Variants in CRACR2A observed in about 807,000 individuals in gnomAD.
The protein encoded by CRACR2A is calcium release activated channel regulator 2A.
A neutral mutation model predicts 90.5 loss-of-function variants in CRACR2A; 79 were observed. That is an observed-to-expected ratio of 0.87 (90% CI 0.73 to 1.05). CRACR2A has a LOEUF of 1.05. CRACR2A is among the 50% of genes least tolerant of loss of function. The pLI is 0.00. For missense variants in CRACR2A, 823 were observed against 897.2 expected (o/e 0.92, Z 1.06); for synonymous variants, 338 against 356.7 (o/e 0.95, Z 0.59).
rs1044294998 is a variant in CRACR2A at position 3,711,541 on chromosome 12, G to A, written c.-37+1696C>T. 6.6e-6 allele frequency among the ~76,000 whole-genome samples: 1 copy of A among 152,078 alleles called. No individual in the cohort carries two copies. The highest frequency in any genetic ancestry group is 2.4e-5 in the African/African-American group (1 of 41,398). ...TAACATGTTCTTCATTTTCATCCGA[G>A]ACCTCATCAGAATGGCTTTTATCAT... On this transcript the variant is annotated intron_variant, in intron 3 of 19. Coordinates refer to ENST00000440314, the MANE Select transcript of CRACR2A (RefSeq NM_001144958.2). This position sits in a 1 kb window ranked among gnomAD's most constrained non-coding sequence, Gnocchi z 4.3.
At chr12:3,714,237 A>G (rs900933709) in intron 2 of CRACR2A, among the ~76,000 whole-genome samples, 1 of 152,234 alleles carries the variant, frequency 6.6e-6, no homozygotes, top group Non-Finnish European at 1.5e-5. Context: ...TAGGTGCCAA[A>G]GGCAGCAACA....
At chr12:3,751,341 G>A (rs1489829524) in intron 1 of CRACR2A, among the ~76,000 whole-genome samples, 2 of 152,042 alleles carry the variant, frequency 1.3e-5, no homozygotes, top group African/African-American at 4.8e-5. Flanking sequence ...GACTGCAATG[G>A]GCTTCTTCCC....
chr12:3,688,523 T>A (rs1463743704), intron 4 of CRACR2A, among the ~76,000 whole-genome samples: 2 of 152,172 alleles, frequency 1.3e-5, no homozygotes, highest in Non-Finnish European at 2.9e-5. Context: ...ATTTCTGGGC[T>A]CTCTATTCTG....
At chr12:3,685,423 T>C (rs757705004) in intron 4 of CRACR2A, among the ~76,000 whole-genome samples, 19 of 152,220 alleles carry the variant, frequency 1.2e-4, no homozygotes, top group Non-Finnish European at 7.3e-5. Flanking sequence ...CTTGAACAGA[T>C]ATTTGCCCAT....
At chr12:3,701,596 T>C (rs1301418563) in intron 3 of CRACR2A, among the ~76,000 whole-genome samples, 1 of 152,100 alleles carries the variant, frequency 6.6e-6, no homozygotes, top group African/African-American at 2.4e-5. Flanking sequence ...TGAAAAACAC[T>C]AAATACCACA....
rs749067008 is a variant in CRACR2A, at chr12:3,696,969, T to A, written c.31A>T (p.Arg11Ter). ...GACCCCTGACCAAGTCTCTGGGGTC[T>A]GGAGACTACCCTCCCGTCAGGGGCA... MAAPDGRVVSRPQRLGQGSGQ... is the reference protein window; with the variant it reads MAAPDGRVVS The change falls in exon 4 of 20, where the codon AGA (arginine) becomes TGA (stop). Residue 11 changes from arginine to a stop codon, truncating the protein, a stop_gained. Coordinates refer to ENST00000440314, the MANE Select transcript of CRACR2A (RefSeq NM_001144958.2). LOFTEE classifies it high-confidence loss of function. 3 of 1,613,806 alleles carry A rather than the reference T, an allele frequency of 1.9e-6. No individual in the cohort carries two copies. The African/African-American group carries it at 4.0e-5, about 22-fold the overall frequency.
chr12:3,673,624 T>C, intron 6 of CRACR2A, 32 bp from the exon 7 acceptor site: 10 of 1,606,390 alleles, frequency 6.2e-6, no homozygotes, highest in Non-Finnish European at 7.6e-6. Context: ...TGTGGAAGTG[T>C]GGAGATGAGG....
intron 2 of CRACR2A, chr12:3,730,434 T>C (rs892944888): frequency 1.3e-5 from 2 of 152,204 alleles, no homozygotes; most frequent in African/African-American, 4.8e-5. Context: ...TCCAGTTCTG[T>C]TGATTATTCA....
intron 4 of CRACR2A, among the ~76,000 whole-genome samples, chr12:3,693,215 C>T (rs1945679088): frequency 6.6e-6 from 1 of 152,236 alleles, no homozygotes; most frequent in African/African-American, 2.4e-5. Flanking sequence ...CAGGCTGGCA[C>T]ATGGCCTTAC....
In CRACR2A at chr12:3,666,328, TGC is replaced by T. The variant is rs1422591225; in HGVS notation, c.672-6676_672-6675del. 5.5e-5 allele frequency among the ~76,000 whole-genome samples: 5 copies of T among 91,584 alleles called. No homozygotes were observed. In the East Asian group the frequency reaches 2.2e-3, roughly 40 times the overall value. The allele number at this position is 91,584 out of a possible 152,430, so 60.1% of individuals were successfully genotyped here. A position where few individuals can be genotyped will look rare whatever the true frequency, so the allele number is the denominator to read the frequency against. On this transcript the variant is annotated intron_variant, in intron 7 of 19. Coordinates refer to ENST00000440314, the MANE Select transcript of CRACR2A (RefSeq NM_001144958.2). The stretch of plus-strand genomic sequence containing the variant: ...CAAATGTCCCTCCCTAAAGGACGGC[TGC>T]GTGTGTGTGTGTGTGTGTGTGTGTG...
At chr12:3,664,152 GAC>G (rs1386393693) in intron 7 of CRACR2A, among the ~76,000 whole-genome samples, 1 of 152,186 alleles carries the variant, frequency 6.6e-6, no homozygotes, top group East Asian at 1.9e-4. Context: ...TTATTTAAAA[GAC>G]AGTTTATTAA....
chr12:3,659,896 CCTT>C (rs1159646015), intron 7 of CRACR2A, among the ~76,000 whole-genome samples: 1 of 152,228 alleles, frequency 6.6e-6, no homozygotes, highest in Non-Finnish European at 1.5e-5. Flanking sequence ...GGCCTCTCCT[CCTT>C]CTGTCCCCCA....
intron 3 of CRACR2A, among the ~76,000 whole-genome samples, chr12:3,709,355 T>C (rs1565497388): frequency 6.6e-6 from 1 of 152,256 alleles, no homozygotes; most frequent in South Asian, 2.1e-4. Context: ...GAGGAGGTTT[T>C]CTTTAAATCT....
intron 2 of CRACR2A, 34 bp downstream of exon 2, chr12:3,732,908 A>G (rs1022550701): frequency 5.3e-5 from 8 of 152,278 alleles, no homozygotes; most frequent in African/African-American, 1.9e-4. Flanking sequence ...GGCTGCTCCC[A>G]GTACCCCCTG....
chr12:3,634,498 G>A (rs575360457), intron 14 of CRACR2A, among the ~76,000 whole-genome samples: 8 of 152,314 alleles, frequency 5.3e-5, no homozygotes, highest in African/African-American at 1.9e-4. Flanking sequence ...CCAGAGGGGA[G>A]TGAACTTGCT....
chr12:3,752,158 G>A (rs1403491447), intron 1 of CRACR2A, among the ~76,000 whole-genome samples: 1 of 152,184 alleles, frequency 6.6e-6, no homozygotes, highest in Non-Finnish European at 1.5e-5. Flanking sequence ...GTCCTCTTGA[G>A]TCACACAGAA....
chr12:3,653,035 T>A (rs907207505), intron 10 of CRACR2A, among the ~76,000 whole-genome samples: 18 of 151,846 alleles, frequency 1.2e-4, no homozygotes, highest in Non-Finnish European at 2.6e-4. Flanking sequence ...CAAGCTGGAG[T>A]GCAGTGGCAC....
At chr12:3,708,613 G>A (rs556323442) in intron 3 of CRACR2A, among the ~76,000 whole-genome samples, 63 of 152,262 alleles carry the variant, frequency 4.1e-4, no homozygotes, top group African/African-American at 1.5e-3. Context: ...TTTTAGTAGA[G>A]ACGGGGTTTC....
intron 3 of CRACR2A, among the ~76,000 whole-genome samples, chr12:3,706,316 G>C (rs1219896001): frequency 6.6e-6 from 1 of 152,222 alleles, no homozygotes; most frequent in Non-Finnish European, 1.5e-5. Context: ...CCCCCGTGCA[G>C]GAGGAAAGCA....
Sources: gnomAD v4.1 joint callset for allele counts (sites outside exome capture counted in the v4.1 genomes callset) on GRCh38, gnomAD v4.1.1 for gene constraint, Gnocchi (gnomAD v3.1) non-coding constraint, MANE v1.5 for transcripts, NCBI Gene and HGNC (gene_info 2026-07-23, HGNC 2026-07-21) for gene names.